Variants in PPP4R2 observed in about 807,000 individuals in gnomAD.
The protein encoded by PPP4R2 is protein phosphatase 4 regulatory subunit 2.
PPP4R2 carries 13 observed loss-of-function variants against 47.2 expected under a neutral mutation model. The observed-to-expected ratio is 0.28, with a 90% CI of 0.18 to 0.44. The LOEUF is 0.44. Ranked by LOEUF, PPP4R2 falls within the 20% of genes least tolerant of loss-of-function variation. The pLI is 1.00. For missense variants in PPP4R2, 421 were observed against 491.2 expected, an observed-to-expected ratio of 0.86 and a Z score of 1.35; for synonymous variants, 151 against 163.3, an observed-to-expected ratio of 0.92 and a Z score of 0.57.
At chr3:73,043,245 C>A (rs529642665) in intron 2 of PPP4R2, among the ~76,000 whole-genome samples, 2 of 151,824 alleles carry the variant, frequency 1.3e-5, no homozygotes, top group Non-Finnish European at 2.9e-5. Context: ...ATTTTAGGAA[C>A]CAAAAGCAAT....
intron 2 of PPP4R2, among the ~76,000 whole-genome samples, chr3:73,005,932 G>T (rs1450142789): frequency 6.6e-6 from 1 of 151,778 alleles, no homozygotes; most frequent in Non-Finnish European, 1.5e-5. Flanking sequence ...TCTACACTCA[G>T]GAAACCATCA....
chr3:72,997,727 G>C (rs1021098285), intron 1 of PPP4R2, among the ~76,000 whole-genome samples: 1 of 152,152 alleles, frequency 6.6e-6, no homozygotes, highest in Non-Finnish European at 1.5e-5. Flanking sequence ...GCAGATTTAT[G>C]GACTTAGATG....
chr3:73,018,452 T>TGTTATGTTATGTTTGTTATG, intron 2 of PPP4R2, among the ~76,000 whole-genome samples: 30 of 96,458 alleles, frequency 3.1e-4, no homozygotes, highest in Admixed American at 4.6e-4. Flanking sequence ...TGTTATGTTA[T>TGTTATGTTATGTTTGTTATG]TTATGTTATG....
At chr3:72,997,295 G>T in intron 1 of PPP4R2, 1 of 403,124 alleles carries the variant, frequency 2.5e-6, no homozygotes, top group Non-Finnish European at 4.5e-6. Flanking sequence ...GGCTGGGGGA[G>T]GGGAGCCGGG....
intron 2 of PPP4R2, among the ~76,000 whole-genome samples, chr3:73,038,844 G>A (rs1702318282): frequency 6.6e-6 from 1 of 152,168 alleles, no homozygotes; most frequent in African/African-American, 2.4e-5. Context: ...TTTACACTGA[G>A]CTATTGTCTG....
chr3:73,019,254 G>A (rs1266311490), intron 2 of PPP4R2, among the ~76,000 whole-genome samples: 1 of 152,114 alleles, frequency 6.6e-6, no homozygotes, highest in Non-Finnish European at 1.5e-5. Flanking sequence ...ACTCTGTGAT[G>A]TTCACACATT....
intron 2 of PPP4R2, among the ~76,000 whole-genome samples, chr3:73,021,490 G>A (rs1347866557): frequency 6.6e-6 from 1 of 152,016 alleles, no homozygotes; most frequent in Non-Finnish European, 1.5e-5. Flanking sequence ...TCCCACCTCT[G>A]ACTCCAGAGT....
chr3:73,062,525 G>A, intron 5 of PPP4R2: 1 of 1,613,930 alleles, frequency 6.2e-7, no homozygotes, highest in South Asian at 1.1e-5. Context: ...TGAGCAAGAG[G>A]TCTAATACTG....
intron 2 of PPP4R2, among the ~76,000 whole-genome samples, chr3:73,007,928 ATTAC>A (rs150830575): frequency 0.38 from 58,159 of 151,532 alleles, 11,565 homozygotes; most frequent in African/African-American, 0.44. Flanking sequence ...CATCTGTACA[ATTAC>A]TTCTTTAATG....
intron 2 of PPP4R2, among the ~76,000 whole-genome samples, chr3:73,040,369 C>T (rs189433688): frequency 2.0e-5 from 3 of 152,176 alleles, no homozygotes; most frequent in Non-Finnish European, 2.9e-5. Context: ...CTTCATACTT[C>T]GGACTCAATA....
At chr3:73,043,828 T>C (rs1702428864) in intron 2 of PPP4R2, among the ~76,000 whole-genome samples, 1 of 152,234 alleles carries the variant, frequency 6.6e-6, no homozygotes, top group Admixed American at 6.5e-5. Context: ...ACACTCACGA[T>C]GTATGTTACC....
At chr3:73,032,227 A>G (rs1329817296) in intron 2 of PPP4R2, among the ~76,000 whole-genome samples, 2 of 151,972 alleles carry the variant, frequency 1.3e-5, no homozygotes, top group African/African-American at 4.8e-5. Flanking sequence ...AGAGACACCC[A>G]CTTTAAATTT....
At chr3:73,006,257 T>C (rs1354180427) in intron 2 of PPP4R2, among the ~76,000 whole-genome samples, 1 of 146,754 alleles carries the variant, frequency 6.8e-6, no homozygotes. Context: ...TGGAATACAG[T>C]GGTATGATCT....
rs1056805595 is a variant in PPP4R2 at position 73,014,152 on chromosome 3, G to A, written c.116+15994G>A. On this transcript the variant is annotated intron_variant, in intron 2 of 8. Transcript: ENST00000356692. ...GATTTATGGGTTCATGATTATGTAC[G>A]TTACTATGTTTGACAGATACTGCCA... 3.4e-4 allele frequency among the ~76,000 whole-genome samples: 44 copies of A among 130,224 alleles called. 12 individuals are homozygous for A. Among genetic ancestry groups the A allele is most frequent in the Non-Finnish European group, 1.2e-4 (7 of 56,076 alleles). The allele number at this position is 130,224 out of a possible 152,430, so 85.4% of individuals were successfully genotyped here. A position where few individuals can be genotyped will look rare whatever the true frequency, so the allele number is the denominator to read the frequency against.
At chr3:73,022,244 A>G (rs1038235212) in intron 2 of PPP4R2, among the ~76,000 whole-genome samples, 3 of 152,110 alleles carry the variant, frequency 2.0e-5, no homozygotes, top group African/African-American at 7.2e-5. Flanking sequence ...ATTGGCCTGT[A>G]CAAAATACAT....
At chr3:73,057,732 G>A (rs1029362285) in intron 3 of PPP4R2, among the ~76,000 whole-genome samples, 1 of 152,132 alleles carries the variant, frequency 6.6e-6, no homozygotes, top group African/African-American at 2.4e-5. Flanking sequence ...AGTTTATCCA[G>A]TTAGAAAATA....
At chr3:73,033,739 G>C (rs1049312757) in intron 2 of PPP4R2, among the ~76,000 whole-genome samples, 3 of 152,104 alleles carry the variant, frequency 2.0e-5, no homozygotes, top group Admixed American at 6.5e-5. Context: ...CTTTGAGTTT[G>C]ATGGATTTTA....
In PPP4R2 at chr3:73,062,111, T is replaced by C. The variant is rs1182799686; in HGVS notation, c.419+1051T>C. 1.1e-5 allele frequency: 17 copies of C among 1,547,514 alleles called. No homozygotes were observed. The East Asian group carries it at 2.9e-4, about 26-fold the overall frequency. Reference sequence around the variant, plus strand: ...GTTATTTTCTTAAATTGTATGCTTATGTTAATTCTCACAGTCTTTTTGTTT... The same window carrying C: ...GTTATTTTCTTAAATTGTATGCTTACGTTAATTCTCACAGTCTTTTTGTTT... On this transcript the variant is annotated intron_variant, in intron 5 of 8. Coordinates refer to ENST00000356692, the MANE Select transcript of PPP4R2 (RefSeq NM_174907.4).
intron 2 of PPP4R2, among the ~76,000 whole-genome samples, chr3:73,044,486 T>A (rs1702443948): frequency 6.6e-6 from 1 of 152,092 alleles, no homozygotes; most frequent in Admixed American, 6.5e-5. Context: ...CTTGGGAGGC[T>A]GAAGCAGGAG....
Sources: gnomAD v4.1 joint callset for allele counts (sites outside exome capture counted in the v4.1 genomes callset) on GRCh38, gnomAD v4.1.1 for gene constraint, MANE v1.5 for transcripts, NCBI Gene and HGNC (gene_info 2026-07-23, HGNC 2026-07-21) for gene names.